TBRG4: variants seen among roughly 807,000 people sequenced by gnomAD.
TBRG4 encodes the protein FAST kinase domain-containing protein 4.
TBRG4 carries 43 observed loss-of-function variants against 65.6 expected under a neutral mutation model. The ratio of observed to expected loss-of-function variants is 0.66; its 90% confidence interval spans 0.51 to 0.85. The LOEUF (loss-of-function observed/expected upper bound fraction) is 0.85. Among genes scored for constraint, TBRG4 ranks in the 40% least tolerant of loss-of-function variants. The pLI is 0.00. For missense variants in TBRG4, 709 were observed against 787.9 expected (o/e 0.90, Z 1.20); for synonymous variants, 366 against 341.4 (o/e 1.07, Z -0.79).
In TBRG4 at chr7:45,108,998, T is replaced by C. The variant is rs770029660; in HGVS notation, c.240A>G (p.Thr80=). Residue 80 remains threonine (T), a synonymous_variant, in exon 2 of 11, where the codon ACA becomes ACG. Coordinates refer to ENST00000258770, the MANE Select transcript of TBRG4 (RefSeq NM_004749.4). ...KQVDHLIKKA[T]RPEELLELLG... ...GTAGCTCCAGGAGCTCCTCTGGCCT[T>C]GTGGCCTTCTTGATGAGGTGGTCCA... The C allele has an allele frequency of 2.5e-6, 4 of 1,611,866 alleles. No homozygotes were observed. The African/African-American group carries it at 4.0e-5, about 16-fold the overall frequency.
In TBRG4 at chr7:45,109,019, G is replaced by A; in HGVS notation, c.219C>T (p.Asp73=). 6.2e-7 allele frequency: 1 copy of A among 1,612,152 alleles called. No homozygotes were observed. Among genetic ancestry groups the A allele is most frequent in the African/African-American group, 1.3e-5 (1 of 74,964 alleles). ...GCCTTGTGGCCTTCTTGATGAGGTG[G>A]TCCACCTGCTTCTCTATGTAGGGAG... is the stretch of plus-strand genomic sequence containing the variant. The part of the protein sequence containing the change: ...ASTPYIEKQV[D]HLIKKATRPE... Residue 73 remains aspartate, a synonymous_variant, in exon 2 of 11, where the codon GAC becomes GAT. Coordinates refer to ENST00000258770, the MANE Select transcript of TBRG4 (RefSeq NM_004749.4).
rs561250488 is a variant in TBRG4 at position 45,106,279 on chromosome 7, A to G, written c.412-515T>C. The stretch of plus-strand genomic sequence containing the variant: ...AAGGGAAATTCTCCAAGTTTCCCCA[A>G]TGAAGTTTTGACCTAATGTAGTTGA... On this transcript the variant is annotated intron_variant, in intron 2 of 10. Coordinates refer to ENST00000258770, the MANE Select transcript of TBRG4 (RefSeq NM_004749.4). The G allele has an allele frequency of 7.5e-4, 242 of 321,754 alleles. 3 individuals carry two copies. Among genetic ancestry groups the G allele is most frequent in the South Asian group, 5.8e-3 (226 of 39,282 alleles). The allele number at this position is 321,754 out of a possible 1,614,324, so 19.9% of individuals were successfully genotyped here.
At chr7:45,109,343 A>G in intron 1 of TBRG4, 56 bp from the exon 2 acceptor site, 2 of 1,399,830 alleles carry the variant, frequency 1.4e-6, no homozygotes, top group African/African-American at 1.4e-5. Context: ...CTGACTCACA[A>G]ACTTGAGAAA....
At chr7:45,110,634 C>CT (rs1207558932) in intron 1 of TBRG4, 4 of 147,292 alleles carry the variant, frequency 2.7e-5, no homozygotes, top group African/African-American at 1.0e-4. Context: ...GAGCGAGACT[C>CT]TGTCACAAAA....
chr7:45,109,023 A>G lies in TBRG4; in HGVS notation c.215T>C (p.Val72Ala), dbSNP rs768030427. 2.5e-5 allele frequency: 40 copies of G among 1,612,226 alleles called. No individual in the cohort carries two copies. The highest frequency in any genetic ancestry group is 4.4e-5 in the South Asian group (4 of 90,874). ...RASTPYIEKQ[V>A]DHLIKKATRP... is the part of the protein sequence containing the mutation. Reference sequence around the variant, plus strand: ...TGTGGCCTTCTTGATGAGGTGGTCCACCTGCTTCTCTATGTAGGGAGTAGA... The same window carrying G: ...TGTGGCCTTCTTGATGAGGTGGTCCGCCTGCTTCTCTATGTAGGGAGTAGA... The change falls in exon 2 of 11, where the codon GTG (valine) becomes GCG (alanine). Residue 72 changes from valine to alanine, a missense_variant. Coordinates refer to ENST00000258770, the MANE Select transcript of TBRG4 (RefSeq NM_004749.4).
intron 6 of TBRG4, 42 bp downstream of exon 6, chr7:45,103,291 G>C (rs1380775323): frequency 3.3e-6 from 5 of 1,505,772 alleles, no homozygotes; most frequent in Non-Finnish European, 3.7e-6. Context: ...ATTAGCTGAA[G>C]GGGAGGATAA....
rs1412253560 is a variant in TBRG4 at position 45,104,567 on chromosome 7, T to C, written c.878A>G (p.Asp293Gly). 13 of 1,613,962 alleles carry C rather than the reference T, an allele frequency of 8.1e-6. No individual in the cohort carries two copies. Among genetic ancestry groups the C allele is most frequent in the Non-Finnish European group, 1.0e-5 (12 of 1,180,000 alleles). ...GGCATAGGCCACGTCCAAGAGCACA[T>C]CTTTCGTCAGAGAGAAGGGCTTCTG... The part of the protein sequence containing the change: ...LVQKPFSLTK[D>G]VLLDVAYAYG... The change falls in exon 4 of 11, where the codon GAT (aspartate) becomes GGT (glycine). Residue 293 changes from aspartate (D) to glycine (G), a missense_variant. By Grantham distance (94) the Asp-to-Gly change is moderately conservative (BLOSUM62 -1). Coordinates refer to ENST00000258770, the MANE Select transcript of TBRG4 (RefSeq NM_004749.4).
At position 45,102,054 on chromosome 7, in the gene TBRG4, C is replaced by G; in HGVS notation, c.1338G>C (p.Lys446Asn). ...GCAGCTTCTGGAAGGTGTTCTGATC[C>G]TTCTGAGACTTGCCCCCTAGGAGAC... ...HIQFLGGKSQ[K>N]DQNTFQKLLH... Residue 446 changes from lysine (K) to asparagine (N), a missense_variant, in exon 8 of 11, where the codon AAG becomes AAC. Transcript: ENST00000258770. 1.3e-6 allele frequency: 2 copies of G among 1,568,286 alleles called. No individual in the cohort carries two copies. The highest frequency in any genetic ancestry group is 8.6e-7 in the Non-Finnish European group (1 of 1,163,886).
chr7:45,108,460 T>C (rs1313029357), intron 2 of TBRG4, among the ~76,000 whole-genome samples: 1 of 152,210 alleles, frequency 6.6e-6, no homozygotes, highest in Non-Finnish European at 1.5e-5. Context: ...TGCATCTCCT[T>C]TGGCTTCAAA....
chr7:45,104,828 G>A, intron 3 of TBRG4, 119 bp from the exon 4 acceptor site: 1 of 1,460,988 alleles, frequency 6.8e-7, no homozygotes, highest in Non-Finnish European at 9.4e-7. Flanking sequence ...TGTCAGACTG[G>A]GCCTGAGCTG....
At chr7:45,101,198 TC>T in intron 10 of TBRG4, 59 bp downstream of exon 10, 2 of 1,532,238 alleles carry the variant, frequency 1.3e-6, no homozygotes, top group Non-Finnish European at 1.8e-6. Context: ...CCTGATCCCC[TC>T]TCTAGCGTGG....
chr7:45,104,361 C>T (rs749683861), intron 4 of TBRG4, 105 bp from the exon 5 acceptor site: 78 of 1,585,410 alleles, frequency 4.9e-5, no homozygotes, highest in Admixed American at 2.5e-4. Context: ...ATGTCTGTAA[C>T]CAAATTTATC....
At chr7:45,103,843 GC>G in intron 5 of TBRG4, 1 of 568,604 alleles carries the variant, frequency 1.8e-6, no homozygotes, top group East Asian at 3.0e-5. Flanking sequence ...CAGCCATGCT[GC>G]TACCTGCTAC....
At position 45,103,319 on chromosome 7, in the gene TBRG4, C is replaced by T; in HGVS notation, c.1176+14G>A. The T allele has an allele frequency of 6.2e-7, 1 of 1,602,638 alleles. No individual in the cohort carries two copies. The highest frequency in any genetic ancestry group is 8.5e-7 in the Non-Finnish European group (1 of 1,172,074). On this transcript the variant is annotated intron_variant, in intron 6 of 10. Transcript: ENST00000258770. ...GAGGATAAAGGTCGAGCAGTGGGAG[C>T]CCAGAGGCCCTACCAGGCTGAAGAA...
chr7:45,109,708 G>T (rs1427976624), intron 1 of TBRG4, among the ~76,000 whole-genome samples: 2 of 152,080 alleles, frequency 1.3e-5, no homozygotes, highest in Non-Finnish European at 2.9e-5. Context: ...CAGGCGTGGT[G>T]GCTCACGCCT....
At chr7:45,104,771 G>A (rs1784884544) in intron 3 of TBRG4, 62 bp from the exon 4 acceptor site, 2 of 1,588,406 alleles carry the variant, frequency 1.3e-6, no homozygotes, top group Admixed American at 1.7e-5. Flanking sequence ...ATGAGCTGGG[G>A]GCAGGGGTCC....
At chr7:45,103,503 C>T in intron 5 of TBRG4, 60 bp from the exon 6 acceptor site, 1 of 1,388,290 alleles carries the variant, frequency 7.2e-7, no homozygotes, top group Non-Finnish European at 1.0e-6. Flanking sequence ...ACGCTGTCCT[C>T]CTGCCTGGCT....
chr7:45,105,777 A>G lies in TBRG4; in HGVS notation c.412-13T>C, dbSNP rs202133663. On this transcript the variant is annotated splice_polypyrimidine_tract_variant and intron_variant, in intron 2 of 10. Transcript: ENST00000258770. Reference sequence around the variant, plus strand: ...AGACCGAGGCAATCTAGGCAGAGAAAGGACACAGGAGAAATGATGTGGCAC... The same window carrying G: ...AGACCGAGGCAATCTAGGCAGAGAAGGGACACAGGAGAAATGATGTGGCAC... The G allele has an allele frequency of 1.3e-3, 2,037 of 1,591,330 alleles. 45 individuals are homozygous for G. In the South Asian group the frequency reaches 0.022, roughly 17 times the overall value.
At chr7:45,101,141 C>G (rs572270082) in intron 10 of TBRG4, 117 bp downstream of exon 10, 22 of 978,310 alleles carry the variant, frequency 2.2e-5, no homozygotes, top group Non-Finnish European at 3.3e-5. Context: ...GGGAGAGGCC[C>G]GGGGCCACGG....
Sources: gnomAD v4.1 joint callset for allele counts (sites outside exome capture counted in the v4.1 genomes callset) on GRCh38, gnomAD v4.1.1 for gene constraint, MANE v1.5 for transcripts, NCBI Gene and HGNC (gene_info 2026-07-23, HGNC 2026-07-21) for gene names.